Variants in DLG5 observed in about 807,000 individuals in gnomAD.
The protein encoded by DLG5 is discs large MAGUK scaffold protein 5.
DLG5 carries 48 observed loss-of-function variants against 189.8 expected under a neutral mutation model. That is an observed-to-expected ratio of 0.25 (90% CI 0.20 to 0.32). The LOEUF (loss-of-function observed/expected upper bound fraction) is 0.32. Among genes scored for constraint, DLG5 ranks in the 10% least tolerant of loss-of-function variants. DLG5 has a pLI of 1.00. For missense variants in DLG5, 2,160 were observed against 2,544.7 expected, an observed-to-expected ratio of 0.85 and a Z score of 3.25; for synonymous variants, 1,016 against 1,054.1, an observed-to-expected ratio of 0.96 and a Z score of 0.70.
At chr10:77,907,575 T>C (rs1156501667) in intron 1 of DLG5, among the ~76,000 whole-genome samples, 1 of 152,156 alleles carries the variant, frequency 6.6e-6, no homozygotes, top group Non-Finnish European at 1.5e-5. Context: ...TTATACCCTG[T>C]CTCAAATACA....
At chr10:77,837,274 C>T (rs1471632095) in intron 7 of DLG5, among the ~76,000 whole-genome samples, 1 of 113,056 alleles carries the variant, frequency 8.8e-6, no homozygotes, top group Non-Finnish European at 1.9e-5. Flanking sequence ...TTATGATAAA[C>T]AATACTTTGA....
At chr10:77,886,914 A>T (rs1404152203) in intron 1 of DLG5, among the ~76,000 whole-genome samples, 1 of 152,306 alleles carries the variant, frequency 6.6e-6, no homozygotes, top group South Asian at 2.1e-4. Flanking sequence ...TCTGCAAGCT[A>T]AGGAAAGAAG....
rs773204272 is a variant in DLG5 at position 77,829,450 on chromosome 10, T to C, written c.2090A>G (p.Asn697Ser). The change falls in exon 12 of 32, where the codon AAT becomes AGT. Residue 697 changes from asparagine (N) to serine (S), a missense_variant. Coordinates refer to ENST00000372391, the MANE Select transcript of DLG5 (RefSeq NM_004747.4). Reference sequence around the variant, plus strand: ...GACCATGTTGATGGCCCCCTCCCCATTGAGGAGCGCCTTGATGGCCTGCTT... The same window carrying C: ...GACCATGTTGATGGCCCCCTCCCCACTGAGGAGCGCCTTGATGGCCTGCTT... ...DKKQAIKALL[N>S]GEGAINMVVR... 75 of 1,614,022 alleles carry C rather than the reference T, an allele frequency of 4.6e-5. No homozygotes were observed. Among genetic ancestry groups the C allele is most frequent in the East Asian group, 2.2e-4 (10 of 44,888 alleles).
At chr10:77,863,334 A>G (rs1212445111) in intron 2 of DLG5, among the ~76,000 whole-genome samples, 1 of 152,154 alleles carries the variant, frequency 6.6e-6, no homozygotes, top group African/African-American at 2.4e-5. Context: ...CCTGGGCTCA[A>G]GCAATCCTTC....
chr10:77,902,874 AAAATAAAT>A (rs917170266), intron 1 of DLG5, among the ~76,000 whole-genome samples: 11 of 104,588 alleles, frequency 1.1e-4, no homozygotes, highest in Admixed American at 4.3e-4. Flanking sequence ...AATAAATAAA[AAAATAAAT>A]AAATAAATAA....
chr10:77,889,292 A>G (rs67607593), intron 1 of DLG5: 42,796 of 137,010 alleles, frequency 0.31, 6,433 homozygotes, highest in Non-Finnish European at 0.36. Flanking sequence ...GTCACTAGGG[A>G]AAAAAAAAAA....
chr10:77,847,377 A>G (rs941417866), intron 5 of DLG5, among the ~76,000 whole-genome samples: 2 of 151,786 alleles, frequency 1.3e-5, no homozygotes, highest in African/African-American at 4.8e-5. Context: ...TCTGGTTCTC[A>G]CTCTAGCCTT....
intron 1 of DLG5, among the ~76,000 whole-genome samples, chr10:77,914,355 C>A (rs1846304062): frequency 6.6e-6 from 1 of 152,154 alleles, no homozygotes; most frequent in African/African-American, 2.4e-5. Flanking sequence ...GGACAAGCTA[C>A]CCCCAGTAGC....
intron 24 of DLG5, 166 bp from the exon 25 acceptor site, chr10:77,808,110 C>CA (rs779416726): frequency 1.2e-6 from 1 of 851,912 alleles, no homozygotes; most frequent in Non-Finnish European, 1.8e-6. Context: ...ATGGTCTCCC[C>CA]AGTCTCCAGG....
At chr10:77,890,761 A>G (rs1266497846) in intron 1 of DLG5, among the ~76,000 whole-genome samples, 2 of 152,216 alleles carry the variant, frequency 1.3e-5, no homozygotes, top group Admixed American at 6.5e-5. Flanking sequence ...AGCTACTGGA[A>G]TATCAGCGAG....
At chr10:77,899,626 C>T (rs944773149) in intron 1 of DLG5, among the ~76,000 whole-genome samples, 1 of 152,196 alleles carries the variant, frequency 6.6e-6, no homozygotes, top group Non-Finnish European at 1.5e-5. Flanking sequence ...CAGCTTTCTG[C>T]CCCTCTCCTC....
At chr10:77,837,952 G>A (rs79187559) in intron 7 of DLG5, among the ~76,000 whole-genome samples, 1 of 152,210 alleles carries the variant, frequency 6.6e-6, no homozygotes, top group Non-Finnish European at 1.5e-5. Context: ...GAGCCCACTC[G>A]AGAGTCCCAG....
chr10:77,842,147 T>C lies in DLG5; in HGVS notation c.1171A>G (p.Lys391Glu). 1.9e-6 allele frequency: 3 copies of C among 1,609,544 alleles called. No individual in the cohort carries two copies. The highest frequency in any genetic ancestry group is 2.5e-6 in the Non-Finnish European group (3 of 1,180,026). ...AGCTCCATCTCCCACTGCAGGTCCT[T>C]GTTCTGCGCCGTGGCCTTGTTCAGC... ...HELNKATAQN[K>E]DLQWEMELLQ... The change falls in exon 7 of 32, where the codon AAG (lysine) becomes GAG (glutamate). Residue 391 changes from lysine to glutamate, a missense_variant. By Grantham distance (56) the Lys-to-Glu change is moderately conservative. Coordinates refer to ENST00000372391, the MANE Select transcript of DLG5 (RefSeq NM_004747.4).
Position 77,843,542 on chromosome 10 carries a change from C to T in DLG5, c.1029G>A (p.Glu343=). 1 of 1,614,188 alleles carries T rather than the reference C, an allele frequency of 6.2e-7. No homozygotes were observed. The highest frequency in any genetic ancestry group is 2.2e-5 in the East Asian group (1 of 44,880). Residue 343 remains glutamate (E), a synonymous_variant, in exon 6 of 32, where the codon GAG becomes GAA. Coordinates refer to ENST00000372391, the MANE Select transcript of DLG5 (RefSeq NM_004747.4). ...ADLSRLEQLG[E]ENQRLLKQTE... is the part of the protein sequence containing the mutation. ...TCTGCTTCAGCAACCGCTGGTTCTC[C>T]TCCCCCAGCTGCTCCAGGCGGCTCA...
rs1221912666 is a variant in DLG5 at position 77,843,669 on chromosome 10, T to G, written c.902A>C (p.Lys301Thr). The G allele has an allele frequency of 6.2e-7, 1 of 1,614,038 alleles. No individual in the cohort carries two copies. The highest frequency in any genetic ancestry group is 1.1e-5 in the South Asian group (1 of 91,066). Residue 301 changes from lysine to threonine, a missense_variant, in exon 6 of 32, where the codon AAA becomes ACA. Physicochemically the swap from Lys to Thr is moderately conservative, Grantham distance 78. Around this residue, in one of 5 missense-constraint regions of DLG5, gnomAD observed 664 missense variants for 838.5 expected, o/e 0.79. Coordinates refer to ENST00000372391, the MANE Select transcript of DLG5 (RefSeq NM_004747.4). ...CTTGTCCATGGCCGTGTCATACAGTTTGTTGAGAATCTCGGATGACCCGTT... is the reference window on the plus strand; with the variant it reads ...CTTGTCCATGGCCGTGTCATACAGTGTGTTGAGAATCTCGGATGACCCGTT... ...KHNGSSEILNKLYDTAMDKLE... is the reference protein window; with the variant it reads ...KHNGSSEILNTLYDTAMDKLE...
intron 25 of DLG5, 105 bp downstream of exon 25, chr10:77,807,691 G>A (rs1841546077): frequency 3.7e-6 from 5 of 1,350,366 alleles, no homozygotes; most frequent in Non-Finnish European, 5.1e-6. Context: ...CATGGCCCCA[G>A]CCTTGGGGGG....
chr10:77,926,829 A>G (rs2131891275), upstream of DLG5: 1 of 178,614 alleles, frequency 5.6e-6, no homozygotes, highest in Non-Finnish European at 1.2e-5. The surrounding 1 kb of genome is among the most constrained non-coding windows in gnomAD (Gnocchi z 5.2). Flanking sequence ...GCGCGCCCCG[A>G]GGCCGGGCTC....
chr10:77,891,771 C>T (rs963420179), intron 1 of DLG5, among the ~76,000 whole-genome samples: 1 of 152,220 alleles, frequency 6.6e-6, no homozygotes, highest in African/African-American at 2.4e-5. Flanking sequence ...CTTTCTCCCA[C>T]AGCAGGTGGC....
intron 2 of DLG5, among the ~76,000 whole-genome samples, chr10:77,861,146 T>C (rs115409080): frequency 7.2e-5 from 11 of 152,210 alleles, no homozygotes; most frequent in African/African-American, 2.6e-4. Context: ...TTTAGAAAAC[T>C]AGACTCTACA....
Sources: gnomAD v4.1 joint callset for allele counts (sites outside exome capture counted in the v4.1 genomes callset) on GRCh38, gnomAD v4.1.1 for gene constraint, gnomAD v4.1.1 regional missense constraint, Gnocchi (gnomAD v3.1) non-coding constraint, MANE v1.5 for transcripts, NCBI Gene and HGNC (gene_info 2026-07-23, HGNC 2026-07-21) for gene names.